The following KRTAP6-1 variants were observed in gnomAD, a reference collection of about 807,000 sequenced individuals.
KRTAP6-1 encodes keratin associated protein 6-1.
A neutral mutation model predicts 1.6 loss-of-function variants in KRTAP6-1; 2 were observed. The observed-to-expected ratio is 1.22, with a 90% CI of 0.50 to 3.85. The LOEUF (loss-of-function observed/expected upper bound fraction) is 3.85, where lower values mean the gene tolerates loss of function less well. KRTAP6-1 is among the 30% of genes most tolerant of loss of function. The pLI is 0.07. For missense variants in KRTAP6-1, 78 were observed against 87.7 expected (o/e 0.89, Z 0.44); for synonymous variants, 38 against 38.5 (o/e 0.99, Z 0.05).
exon 1 of KRTAP6-1, chr21:30,613,818 G>T (rs1305957036): frequency 1.2e-6 from 2 of 1,613,810 alleles, no homozygotes; most frequent in East Asian, 2.2e-5. Context: ...CACAGCCCAG[G>T]CCTCCATAGC....
At position 30,613,744 on chromosome 21, in the gene KRTAP6-1, C is replaced by T. The variant is rs28567421; in HGVS notation, c.161G>A (p.Arg54His). Reference sequence around the variant, plus strand: ...TCCATAGCCATAGCCACAGAGGGAGCGGGAGCCATAGCCATAGCCACAGCC... The same window carrying T: ...TCCATAGCCATAGCCACAGAGGGAGTGGGAGCCATAGCCATAGCCACAGCC... The change falls in exon 1 of 1, where the codon CGC (arginine) becomes CAC (histidine). Residue 54 changes from arginine (R) to histidine (H), a missense_variant. Coordinates refer to ENST00000329122, the Ensembl canonical transcript of KRTAP6-1. 3.8e-4 allele frequency: 606 copies of T among 1,613,756 alleles called. No homozygotes were observed. The African/African-American group carries it at 4.2e-3, about 11-fold the overall frequency.
exon 1 of KRTAP6-1, chr21:30,613,669 G>A: frequency 3.1e-6 from 5 of 1,614,074 alleles, no homozygotes; most frequent in Non-Finnish European, 4.2e-6. Context: ...GATAGAGGGT[G>A]AGAGTCTCCC....
exon 1 of KRTAP6-1, chr21:30,613,843 C>T: frequency 6.2e-7 from 1 of 1,614,156 alleles, no homozygotes; most frequent in Non-Finnish European, 8.5e-7. Context: ...GCCCAGGCCT[C>T]CATAGCCACA....
At chr21:30,613,867 G>A in exon 1 of KRTAP6-1, 1 of 1,614,162 alleles carries the variant, frequency 6.2e-7, no homozygotes, top group South Asian at 1.1e-5. Context: ...CCCATAGCCA[G>A]GGGTGCCATA....
chr21:30,613,719 T>C (rs1568898897), exon 1 of KRTAP6-1: 4 of 1,613,960 alleles, frequency 2.5e-6, no homozygotes, highest in Non-Finnish European at 3.4e-6. Context: ...CAGAGCCGCA[T>C]CCATAGCCAT....
chr21:30,613,545 G>A, exon 1 of KRTAP6-1: 6 of 1,450,654 alleles, frequency 4.1e-6, no homozygotes, highest in Non-Finnish European at 4.6e-6. Context: ...ATATTTGTAG[G>A]TTAGATGGTA....
At chr21:30,613,709 C>T (rs755677753) in exon 1 of KRTAP6-1, 2 of 1,614,076 alleles carry the variant, frequency 1.2e-6, no homozygotes, top group South Asian at 2.2e-5. Context: ...TAGCCAGAGC[C>T]AGAGCCGCAT....
At chr21:30,613,913 T>C (rs934964509) in exon 1 of KRTAP6-1, 3 of 1,613,738 alleles carry the variant, frequency 1.9e-6, no homozygotes, top group Admixed American at 3.3e-5. Flanking sequence ...ATGGTGTTGG[T>C]TGTGGAGGTT....
exon 1 of KRTAP6-1, chr21:30,613,528 A>G: frequency 3.6e-6 from 5 of 1,389,548 alleles, no homozygotes; most frequent in Non-Finnish European, 4.8e-6. Context: ...CATGATGGAA[A>G]TTCAAGATAT....
chr21:30,613,514 G>A (rs974097901), exon 1 of KRTAP6-1: 46 of 1,320,706 alleles, frequency 3.5e-5, no homozygotes, highest in East Asian at 2.8e-4. Context: ...ACCTTATCCC[G>A]TTTCATGATG....
chr21:30,613,508 T>C (rs1980614902), exon 1 of KRTAP6-1: 3 of 1,279,616 alleles, frequency 2.3e-6, no homozygotes, highest in South Asian at 1.6e-5. Flanking sequence ...AATTTTACCT[T>C]ATCCCGTTTC....
At chr21:30,613,695 ATAG>A in exon 1 of KRTAP6-1, 1 of 1,614,022 alleles carries the variant, frequency 6.2e-7, no homozygotes, top group East Asian at 2.2e-5. Context: ...ATCCTCAATA[ATAG>A]TAGCCAGAGC....
At chr21:30,613,633 A>G in exon 1 of KRTAP6-1, 35 of 1,606,768 alleles carry the variant, frequency 2.2e-5, no homozygotes, top group Non-Finnish European at 2.9e-5. Context: ...TGTGGGCTTC[A>G]GAATTAGTGA....
At chr21:30,613,791 A>G (rs915177360) in exon 1 of KRTAP6-1, 2 of 1,613,404 alleles carry the variant, frequency 1.2e-6, no homozygotes, top group Non-Finnish European at 1.7e-6. Flanking sequence ...AGCCACAGCC[A>G]CAGCAGGAGC....
exon 1 of KRTAP6-1, chr21:30,613,442 T>C: frequency 1.5e-6 from 1 of 661,330 alleles, no homozygotes; most frequent in South Asian, 2.7e-5. Flanking sequence ...ATCATAAAAG[T>C]CATCAAGGCA....
chr21:30,613,618 G>T, exon 1 of KRTAP6-1: 1 of 1,601,920 alleles, frequency 6.2e-7, no homozygotes, highest in East Asian at 2.2e-5. Context: ...GAAAATCTCA[G>T]AACATGTGGG....
At chr21:30,613,566 A>G (rs1179887374) in exon 1 of KRTAP6-1, 2 of 1,529,002 alleles carry the variant, frequency 1.3e-6, no homozygotes, top group Non-Finnish European at 1.8e-6. Context: ...GCTCAACAAC[A>G]GACCATATTA....
chr21:30,613,810 C>T, exon 1 of KRTAP6-1: 8 of 1,613,700 alleles, frequency 5.0e-6, no homozygotes, highest in Non-Finnish European at 5.9e-6. Context: ...GCCATAGCCA[C>T]AGCCCAGGCC....
chr21:30,613,911 G>T lies in KRTAP6-1; in HGVS notation c.-7C>A, dbSNP rs766047865. The T allele has an allele frequency of 1.2e-5, 19 of 1,613,700 alleles. No individual in the cohort carries two copies. The Admixed American group carries it at 3.0e-4, about 25-fold the overall frequency. ...CGTAGTAGCTGCCACACATGGTGTTGGTTGTGGAGGTTGTCCTTGGGTAGG... is the reference window on the plus strand; with the variant it reads ...CGTAGTAGCTGCCACACATGGTGTTTGTTGTGGAGGTTGTCCTTGGGTAGG... On this transcript the variant is annotated 5_prime_UTR_variant, in exon 1 of 1. Transcript: ENST00000329122.
Sources: allele counts gnomAD v4.1 joint callset, GRCh38; gene constraint gnomAD v4.1.1; transcripts MANE v1.5; gene names NCBI Gene and HGNC (gene_info 2026-07-23, HGNC 2026-07-21).